The following TTC7B variants were observed in gnomAD, a reference collection of about 807,000 sequenced individuals.
TTC7B encodes the protein tetratricopeptide repeat protein 7B.
A neutral mutation model predicts 106.8 loss-of-function variants in TTC7B; 28 were observed. The observed-to-expected ratio is 0.26, with a 90% CI of 0.19 to 0.36. The LOEUF is 0.36. TTC7B is among the 10% of genes least tolerant of loss of function. The pLI is 1.00. For missense variants in TTC7B, 862 were observed against 1,076.4 expected (o/e 0.80, Z 2.79); for synonymous variants, 405 against 430.6 (o/e 0.94, Z 0.74).
At chr14:90,809,324 G>A (rs909715458) in intron 1 of TTC7B, among the ~76,000 whole-genome samples, 5 of 152,248 alleles carry the variant, frequency 3.3e-5, no homozygotes, top group African/African-American at 1.2e-4. Flanking sequence ...CGTCTCATTG[G>A]TCAGAACTAA....
At chr14:90,629,240 T>TC (rs971891994) in intron 15 of TTC7B, among the ~76,000 whole-genome samples, 3 of 39,200 alleles carry the variant, frequency 7.7e-5, no homozygotes, top group Admixed American at 3.4e-4. Context: ...GTTCTCAGGT[T>TC]CCTTTTTTTT....
intron 3 of TTC7B, chr14:90,767,028 C>CAAAA (rs71301958): frequency 1.2e-4 from 64 of 525,886 alleles, no homozygotes; most frequent in South Asian, 5.4e-4. Flanking sequence ...GTTTATATAC[C>CAAAA]AAAAAAAAAA....
At chr14:90,726,249 G>A (rs1389381140) in intron 5 of TTC7B, among the ~76,000 whole-genome samples, 1 of 152,228 alleles carries the variant, frequency 6.6e-6, no homozygotes, top group Admixed American at 6.5e-5. Flanking sequence ...TTTCTCTGCT[G>A]CTAGCTGGGC....
chr14:90,694,929 G>T lies in TTC7B; in HGVS notation c.777+571C>A, dbSNP rs945769735. Among the ~76,000 whole-genome samples, 2 of 17,664 alleles carry T rather than the reference G, an allele frequency of 1.1e-4. 1 individual carries two copies. Among genetic ancestry groups the T allele is most frequent in the Non-Finnish European group, 2.3e-4 (2 of 8,772 alleles). 11.6% of individuals were successfully genotyped at this position (17,664 alleles called of 152,430 possible). The stretch of plus-strand genomic sequence containing the variant: ...TCACATATATTTATTATAAATATAT[G>T]TATAATATGTCACATATATTTATTA... On this transcript the variant is annotated intron_variant, in intron 6 of 19. Transcript: ENST00000328459.
In TTC7B at chr14:90,684,924, T is replaced by C. The variant is rs548772229; in HGVS notation, c.951-4389A>G. ...AAGTAAACTAAAGCTGATACAATTC[T>C]TCACAGAAACCACCCAGAAGGAAAG... On this transcript the variant is annotated intron_variant, in intron 7 of 19. Coordinates refer to ENST00000328459, the MANE Select transcript of TTC7B (RefSeq NM_001010854.2). Among the ~76,000 whole-genome samples the C allele has an allele frequency of 8.5e-5, 13 of 152,342 alleles. No homozygotes were observed. The South Asian group carries it at 2.5e-3, about 29-fold the overall frequency.
At chr14:90,710,056 G>GA (rs71461920) in intron 5 of TTC7B, among the ~76,000 whole-genome samples, 34,564 of 119,096 alleles carry the variant, frequency 0.29, 4,700 homozygotes, top group Middle Eastern at 0.38. Flanking sequence ...TTTTCTACTT[G>GA]AAAAAAAAAA....
At chr14:90,711,701 C>T (rs1157113218) in intron 5 of TTC7B, among the ~76,000 whole-genome samples, 1 of 152,080 alleles carries the variant, frequency 6.6e-6, no homozygotes, top group Non-Finnish European at 1.5e-5. Flanking sequence ...GGATTACAGG[C>T]GTGAGCCACT....
chr14:90,715,573 G>A (rs1264625374), intron 5 of TTC7B, among the ~76,000 whole-genome samples: 1 of 152,110 alleles, frequency 6.6e-6, no homozygotes. Flanking sequence ...CTATGAAGCA[G>A]GTCCTATTAT....
chr14:90,737,236 G>A (rs1889570264), intron 4 of TTC7B, among the ~76,000 whole-genome samples: 1 of 152,064 alleles, frequency 6.6e-6, no homozygotes, highest in Non-Finnish European at 1.5e-5. Context: ...TAAACATAAA[G>A]TTACCACATG....
intron 15 of TTC7B, among the ~76,000 whole-genome samples, chr14:90,622,847 CA>C (rs1884268475): frequency 6.6e-6 from 1 of 152,092 alleles, no homozygotes; most frequent in Non-Finnish European, 1.5e-5. Context: ...ACTGATGACC[CA>C]AATCTAGCAT....
At chr14:90,672,392 G>T (rs1886668382) in intron 9 of TTC7B, among the ~76,000 whole-genome samples, 1 of 152,176 alleles carries the variant, frequency 6.6e-6, no homozygotes, top group African/African-American at 2.4e-5. Flanking sequence ...TCTGCCAACA[G>T]GTTGTGGTGC....
At chr14:90,766,919 A>T in intron 3 of TTC7B, 1 of 1,540,686 alleles carries the variant, frequency 6.5e-7, no homozygotes, top group Non-Finnish European at 8.9e-7. Context: ...TGGGGCCTTC[A>T]TGTCCAAAGT....
In TTC7B at chr14:90,605,648, G is replaced by A. The variant is rs2139835601; in HGVS notation, c.1966+5094C>T. On this transcript the variant is annotated intron_variant, in intron 17 of 19. Coordinates refer to ENST00000328459, the MANE Select transcript of TTC7B (RefSeq NM_001010854.2). The stretch of plus-strand genomic sequence containing the variant: ...GCGTCACTGAATGAATGAGCTGCAG[G>A]GGGCCACACAAAGGTATCGGGTTTG... The A allele has an allele frequency of 2.3e-6, 3 of 1,289,070 alleles. No individual in the cohort carries two copies. The South Asian group carries it at 3.7e-5, about 16-fold the overall frequency. The allele number at this position is 1,289,070 out of a possible 1,614,324, so 79.9% of individuals were successfully genotyped here. A position where few individuals can be genotyped will look rare whatever the true frequency, so the allele number is the denominator to read the frequency against.
intron 4 of TTC7B, among the ~76,000 whole-genome samples, chr14:90,741,622 A>G (rs966962928): frequency 6.6e-6 from 1 of 152,188 alleles, no homozygotes; most frequent in African/African-American, 2.4e-5. Context: ...TTTTCAATTC[A>G]ACATAATTCT....
chr14:90,572,684 C>G (rs765710584), intron 19 of TTC7B, among the ~76,000 whole-genome samples: 25 of 152,208 alleles, frequency 1.6e-4, no homozygotes, highest in Non-Finnish European at 2.8e-4. Flanking sequence ...AAGAGGTTTT[C>G]TTGTCTCACA....
chr14:90,652,697 T>A lies in TTC7B; in HGVS notation c.1517+144A>T, dbSNP rs1437123261. The A allele has an allele frequency of 5.0e-6, 4 of 798,658 alleles. No homozygotes were observed. The Admixed American group carries it at 7.0e-5, about 14-fold the overall frequency. 49.5% of individuals were successfully genotyped at this position (798,658 alleles called of 1,614,324 possible). A position where few individuals can be genotyped will look rare whatever the true frequency, so the allele number is the denominator to read the frequency against. On this transcript the variant is annotated intron_variant, in intron 13 of 19. Transcript: ENST00000328459. Reference sequence around the variant, plus strand: ...AACAAGTGATACAGCAGGGTTTGTGTGCTGTGTGTTCGGTGCTCAGGACGA... The same window carrying A: ...AACAAGTGATACAGCAGGGTTTGTGAGCTGTGTGTTCGGTGCTCAGGACGA...
At chr14:90,812,970 CACT>C (rs978720184) in intron 1 of TTC7B, among the ~76,000 whole-genome samples, 2 of 152,156 alleles carry the variant, frequency 1.3e-5, no homozygotes, top group Non-Finnish European at 2.9e-5. Flanking sequence ...TGGGGAAGCC[CACT>C]ACAAGTGGGA....
chr14:90,734,036 T>C (rs1343286351), intron 4 of TTC7B, among the ~76,000 whole-genome samples: 1 of 152,218 alleles, frequency 6.6e-6, no homozygotes, highest in African/African-American at 2.4e-5. Flanking sequence ...TACCTTTAAG[T>C]AGAAACAAAA....
chr14:90,554,260 C>T (rs368053439), intron 19 of TTC7B, among the ~76,000 whole-genome samples: 122 of 152,332 alleles, frequency 8.0e-4, no homozygotes, highest in African/African-American at 2.5e-3. Flanking sequence ...ACCCACTCTG[C>T]GGCAGGTGTC....
Sources: allele counts gnomAD v4.1 joint callset (sites outside exome capture counted in the v4.1 genomes callset), GRCh38; gene constraint gnomAD v4.1.1; transcripts MANE v1.5; gene names NCBI Gene and HGNC (gene_info 2026-07-23, HGNC 2026-07-21).